The following DCDC2 variants were observed in gnomAD, a reference collection of about 807,000 sequenced individuals.
DCDC2 encodes the protein doublecortin domain-containing protein 2.
A neutral mutation model predicts 50.2 loss-of-function variants in DCDC2; 40 were observed. The observed-to-expected ratio is 0.80, with a 90% CI of 0.62 to 1.04. The LOEUF (loss-of-function observed/expected upper bound fraction) is 1.04, where lower values mean the gene tolerates loss of function less well. Ranked by LOEUF, DCDC2 falls within the 50% of genes least tolerant of loss-of-function variation. DCDC2 has a pLI of 0.00. For missense variants in DCDC2, 570 were observed against 581.9 expected, an observed-to-expected ratio of 0.98 and a Z score of 0.21; for synonymous variants, 234 against 210.6, an observed-to-expected ratio of 1.11 and a Z score of -0.96.
At chr6:24,265,362 C>A (rs1314170008) in intron 7 of DCDC2, among the ~76,000 whole-genome samples, 1 of 152,044 alleles carries the variant, frequency 6.6e-6, no homozygotes, top group Non-Finnish European at 1.5e-5. Flanking sequence ...GACATATCAT[C>A]CAGACAGAAA....
At chr6:24,175,808 T>C (rs1160027576) in intron 9 of DCDC2, among the ~76,000 whole-genome samples, 1 of 152,226 alleles carries the variant, frequency 6.6e-6, no homozygotes, top group Admixed American at 6.5e-5. Context: ...TAGTAGACAG[T>C]CCTTCTGTAA....
intron 7 of DCDC2, 162 bp from the exon 8 acceptor site, chr6:24,205,264 C>T: frequency 5.8e-6 from 9 of 1,561,198 alleles, no homozygotes; most frequent in Non-Finnish European, 7.8e-6. Context: ...ACACCACCCC[C>T]AGTTGTTCCA....
intron 7 of DCDC2, among the ~76,000 whole-genome samples, chr6:24,258,621 G>GT (rs1275108740): frequency 2.6e-5 from 4 of 152,212 alleles, no homozygotes; most frequent in Non-Finnish European, 4.4e-5. Context: ...GTCAACAAAT[G>GT]TGAACCTCAG....
intron 7 of DCDC2, among the ~76,000 whole-genome samples, chr6:24,212,961 C>T (rs1283130481): frequency 6.6e-6 from 1 of 152,120 alleles, no homozygotes; most frequent in African/African-American, 2.4e-5. Flanking sequence ...GCAACTAGGA[C>T]AGCTGAAATG....
At chr6:24,216,362 G>A (rs1020192985) in intron 7 of DCDC2, among the ~76,000 whole-genome samples, 41 of 152,164 alleles carry the variant, frequency 2.7e-4, no homozygotes, top group African/African-American at 5.6e-4. Flanking sequence ...AGGAAGATGC[G>A]GGAAAGTGGA....
At chr6:24,315,344 G>A (rs1217596397) in intron 2 of DCDC2, among the ~76,000 whole-genome samples, 1 of 152,110 alleles carries the variant, frequency 6.6e-6, no homozygotes, top group Non-Finnish European at 1.5e-5. Flanking sequence ...CCCCAATGCA[G>A]AGAAGAAAGC....
chr6:24,345,919 C>T (rs2127251416), intron 2 of DCDC2, among the ~76,000 whole-genome samples: 1 of 152,270 alleles, frequency 6.6e-6, no homozygotes, highest in East Asian at 1.9e-4. Flanking sequence ...GTGGCTCACA[C>T]CTGTAATCCC....
At chr6:24,218,087 C>CCA (rs5874970) in intron 7 of DCDC2, among the ~76,000 whole-genome samples, 150,919 of 152,330 alleles carry the variant, frequency 0.99, 74,772 homozygotes, top group East Asian at 1. Context: ...ACAAATATGC[C>CCA]TATATCAGCA....
chr6:24,265,731 C>A (rs1364797794), intron 7 of DCDC2, among the ~76,000 whole-genome samples: 1 of 150,580 alleles, frequency 6.6e-6, no homozygotes, highest in Non-Finnish European at 1.5e-5. Context: ...GGAAACATGA[C>A]ATAAAATGTA....
At chr6:24,179,164 CT>C (rs1202579033) in intron 8 of DCDC2, among the ~76,000 whole-genome samples, 1 of 152,148 alleles carries the variant, frequency 6.6e-6, no homozygotes, top group Non-Finnish European at 1.5e-5. Context: ...CCCACAATGC[CT>C]AAGGAAGCTG....
chr6:24,289,971 C>CTTTTTT lies in DCDC2; in HGVS notation c.704+955_704+960dup, dbSNP rs3077132. On this transcript the variant is annotated intron_variant, in intron 5 of 9. Coordinates refer to ENST00000378454, the MANE Select transcript of DCDC2 (RefSeq NM_016356.5). The stretch of plus-strand genomic sequence containing the variant: ...TCCTGCAGCATGGGCCAGAGCTCTT[C>CTTTTTT]TTTTTTTTTTTTTTTTTTTTTTTTT... 7.2e-4 allele frequency among the ~76,000 whole-genome samples: 44 copies of CTTTTTT among 61,044 alleles called. 5 individuals are homozygous for CTTTTTT. The highest frequency in any genetic ancestry group is 8.8e-4 in the African/African-American group (17 of 19,310). The allele number at this position is 61,044 out of a possible 152,430, so 40.0% of individuals were successfully genotyped here. A position where few individuals can be genotyped will look rare whatever the true frequency, so the allele number is the denominator to read the frequency against.
At chr6:24,246,325 T>C (rs1561905128) in intron 7 of DCDC2, among the ~76,000 whole-genome samples, 1 of 152,194 alleles carries the variant, frequency 6.6e-6, no homozygotes. Context: ...AAAATGTCTA[T>C]TATTCCAAAT....
intron 8 of DCDC2, among the ~76,000 whole-genome samples, chr6:24,196,846 A>T (rs1466142663): frequency 6.6e-6 from 1 of 152,210 alleles, no homozygotes; most frequent in Non-Finnish European, 1.5e-5. Context: ...AATGCAGATC[A>T]CCATTGTGGG....
chr6:24,369,904 T>C, the DCDC2 span, among the ~76,000 whole-genome samples: 1 of 151,712 alleles, frequency 6.6e-6, no homozygotes, highest in Non-Finnish European at 1.5e-5. Flanking sequence ...TAGCCGGGCA[T>C]GGTGGTGCAT....
chr6:24,195,778 ACT>A (rs926677306), intron 8 of DCDC2, among the ~76,000 whole-genome samples: 2 of 152,014 alleles, frequency 1.3e-5, no homozygotes, highest in African/African-American at 2.4e-5. Context: ...GGAAGACATC[ACT>A]CTCTCTGTCT....
At chr6:24,291,500 T>G (rs1190859499) in intron 4 of DCDC2, among the ~76,000 whole-genome samples, 1 of 128,444 alleles carries the variant, frequency 7.8e-6, no homozygotes, top group African/African-American at 3.1e-5. Context: ...TTTTTTTTTT[T>G]TTTGAGACGG....
intron 8 of DCDC2, among the ~76,000 whole-genome samples, chr6:24,191,840 T>C (rs1006573514): frequency 6.6e-6 from 1 of 151,858 alleles, no homozygotes; most frequent in African/African-American, 2.4e-5. Flanking sequence ...ACCACAAAAT[T>C]TGGGAGAGTA....
At chr6:24,275,639 ATT>A (rs1455176923) in intron 7 of DCDC2, among the ~76,000 whole-genome samples, 1 of 152,222 alleles carries the variant, frequency 6.6e-6, no homozygotes, top group Non-Finnish European at 1.5e-5. Flanking sequence ...TAATCTGCAC[ATT>A]ATAAAACCAC....
At chr6:24,271,187 GAC>G (rs1306385287) in intron 7 of DCDC2, among the ~76,000 whole-genome samples, 1 of 106,828 alleles carries the variant, frequency 9.4e-6, no homozygotes, top group Non-Finnish European at 1.7e-5. Context: ...CAGCCTGGGT[GAC>G]AGAGTGAGAC....
Sources: allele counts gnomAD v4.1 joint callset (sites outside exome capture counted in the v4.1 genomes callset), GRCh38; gene constraint gnomAD v4.1.1; transcripts MANE v1.5; gene names NCBI Gene and HGNC (gene_info 2026-07-23, HGNC 2026-07-21).